Variants in PAPOLG observed in about 807,000 individuals in gnomAD.
PAPOLG encodes poly(A) polymerase gamma, also known as PAP-gamma.
A neutral mutation model predicts 99.0 loss-of-function variants in PAPOLG; 40 were observed. That is an observed-to-expected ratio of 0.40 (90% CI 0.31 to 0.53). The LOEUF (loss-of-function observed/expected upper bound fraction) is 0.53. PAPOLG is among the 20% of genes least tolerant of loss of function. PAPOLG has a pLI of 0.41. For missense variants in PAPOLG, 675 were observed against 884.1 expected, an observed-to-expected ratio of 0.76 and a Z score of 3.00; for synonymous variants, 310 against 299.3, an observed-to-expected ratio of 1.04 and a Z score of -0.37.
intron 11 of PAPOLG, 109 bp from the exon 12 acceptor site, chr2:60,782,577 T>G: frequency 1.7e-5 from 23 of 1,348,160 alleles, no homozygotes; most frequent in Non-Finnish European, 2.1e-5. Context: ...AAAAAAAAAT[T>G]TCGTCTGGTG....
chr2:60,796,874 AAGT>A (rs1671722953), intron 21 of PAPOLG, among the ~76,000 whole-genome samples, 185 bp from the exon 22 acceptor site: 1 of 152,146 alleles, frequency 6.6e-6, no homozygotes, highest in East Asian at 1.9e-4. Context: ...CTGTAAAAAG[AAGT>A]AGCAGTTCCG....
chr2:60,795,242 T>A, intron 21 of PAPOLG: 2 of 647,902 alleles, frequency 3.1e-6, no homozygotes, highest in Non-Finnish European at 5.6e-6. Context: ...TAAGACAACT[T>A]TATTATCTAT....
In PAPOLG at chr2:60,761,743, T is replaced by C; in HGVS notation, c.182T>C (p.Leu61Pro). The C allele has an allele frequency of 6.2e-7, 1 of 1,602,180 alleles. No homozygotes were observed. Among genetic ancestry groups the C allele is most frequent in the Non-Finnish European group, 8.5e-7 (1 of 1,170,420 alleles). The part of the protein sequence containing the change: ...FEDEEELNHR[L>P]VVLGKLNNLV... ...ATCTGAAGCATTTTTTTTTATAGGC[T>C]GGTGGTTCTTGGTAAATTGAACAAT... The change falls in exon 3 of 22, where the codon CTG becomes CCG. Residue 61 changes from leucine to proline, a missense_variant and splice_region_variant. Physicochemically the swap from Leu to Pro is moderately conservative, Grantham distance 98 (BLOSUM62 -3). This residue lies in a region of PAPOLG where 149 missense variants were observed against 192.1 expected (regional missense o/e 0.78). Transcript: ENST00000238714.
At chr2:60,765,611 C>G (rs886156098) in intron 3 of PAPOLG, among the ~76,000 whole-genome samples, 3 of 152,090 alleles carry the variant, frequency 2.0e-5, no homozygotes, top group Non-Finnish European at 4.4e-5. Context: ...TGATTTGAAT[C>G]TGTACACAAT....
rs766458681 is a variant in PAPOLG at position 60,797,526 on chromosome 2, G to GTT, written c.*370_*371dup. The stretch of plus-strand genomic sequence containing the variant: ...ACTCCTTTTTTGTTTTGTTTTTTGT[G>GTT]TTTTTCTTTTTTTGTCTTATGTTGT... On this transcript the variant is annotated 3_prime_UTR_variant, in exon 22 of 22. Coordinates refer to ENST00000238714, the MANE Select transcript of PAPOLG (RefSeq NM_022894.4). 0.17 allele frequency: 29,356 copies of GTT among 169,334 alleles called. 3,285 individuals carry two copies. The highest frequency in any genetic ancestry group is 0.31 in the African/African-American group (12,473 of 40,772). The allele number at this position is 169,334 out of a possible 1,614,324, so 10.5% of individuals were successfully genotyped here.
At chr2:60,782,980 C>G in intron 12 of PAPOLG, 176 bp from the exon 13 acceptor site, 1 of 487,418 alleles carries the variant, frequency 2.1e-6, no homozygotes. Context: ...TTGTTTTTTA[C>G]TTGTAGGACC....
chr2:60,789,962 C>G (rs1178670705), intron 15 of PAPOLG, among the ~76,000 whole-genome samples: 1 of 152,082 alleles, frequency 6.6e-6, no homozygotes. Context: ...GGTGTGGTGG[C>G]GGGTGCCTGT....
chr2:60,778,309 G>C (rs1040396509), intron 8 of PAPOLG, among the ~76,000 whole-genome samples: 1 of 133,466 alleles, frequency 7.5e-6, no homozygotes, highest in Non-Finnish European at 1.7e-5. Flanking sequence ...ACTACACCCG[G>C]CTAATTTTAT....
At position 60,797,737 on chromosome 2, in the gene PAPOLG, T is replaced by C. The variant is rs142230573; in HGVS notation, c.*577T>C. The C allele has an allele frequency of 7.7e-3, 1,181 of 152,930 alleles. 8 individuals carry two copies. The highest frequency in any genetic ancestry group is 0.028 in the South Asian group (137 of 4,828). The allele number at this position is 152,930 out of a possible 1,614,324, so 9.5% of individuals were successfully genotyped here. A position where few individuals can be genotyped will look rare whatever the true frequency, so the allele number is the denominator to read the frequency against. ...TCTGTTCTGTTGATTTAAATTATTTTTTTCCAGATTGGCACATGAAATATT... is the reference window on the plus strand; with the variant it reads ...TCTGTTCTGTTGATTTAAATTATTTCTTTCCAGATTGGCACATGAAATATT... On this transcript the variant is annotated 3_prime_UTR_variant, in exon 22 of 22. Coordinates refer to ENST00000238714, the MANE Select transcript of PAPOLG (RefSeq NM_022894.4).
chr2:60,776,739 A>G (rs988766831), intron 8 of PAPOLG, among the ~76,000 whole-genome samples: 7 of 152,114 alleles, frequency 4.6e-5, no homozygotes, highest in African/African-American at 1.7e-4. Flanking sequence ...GCTTCAATTT[A>G]AAGTCACCAG....
At chr2:60,779,524 A>G in intron 8 of PAPOLG, 113 bp from the exon 9 acceptor site, 1 of 1,219,600 alleles carries the variant, frequency 8.2e-7, no homozygotes, top group Non-Finnish European at 1.1e-6. Flanking sequence ...TTATGAATAA[A>G]GTTACCTTGT....
At chr2:60,779,088 T>TA (rs914674954) in intron 8 of PAPOLG, among the ~76,000 whole-genome samples, 2 of 150,844 alleles carry the variant, frequency 1.3e-5, no homozygotes, top group Non-Finnish European at 2.9e-5. Flanking sequence ...GCCCATCTCT[T>TA]AAAAAAAGAA....
Position 60,792,294 on chromosome 2 carries a change from GTCTT to G in PAPOLG, c.1679+7_1679+10del, listed in dbSNP as rs753493987. On this transcript the variant is annotated splice_donor_region_variant and intron_variant, in intron 17 of 21. Coordinates refer to ENST00000238714, the MANE Select transcript of PAPOLG (RefSeq NM_022894.4). ...TTCTGTAGGAGAAACAGAAAGGTCT[GTCTT>G]TATTTCAAATGTGTCCTTTTGGTTT... 12 of 1,589,880 alleles carry G rather than the reference GTCTT, an allele frequency of 7.5e-6. No homozygotes were observed. Among genetic ancestry groups the G allele is most frequent in the Non-Finnish European group, 1.0e-5 (12 of 1,170,888 alleles).
At chr2:60,762,308 T>G (rs1388078227) in intron 3 of PAPOLG, among the ~76,000 whole-genome samples, 1 of 152,106 alleles carries the variant, frequency 6.6e-6, no homozygotes, top group Non-Finnish European at 1.5e-5. Flanking sequence ...ATTTGCAAAC[T>G]AATTTATAAC....
intron 13 of PAPOLG, among the ~76,000 whole-genome samples, chr2:60,786,579 A>G (rs1031264830): frequency 5.9e-5 from 9 of 151,332 alleles, no homozygotes; most frequent in African/African-American, 2.2e-4. Flanking sequence ...CCCAGGCTGG[A>G]GTGCAGTGGC....
chr2:60,791,020 C>T (rs544507199), intron 15 of PAPOLG, among the ~76,000 whole-genome samples: 47 of 151,202 alleles, frequency 3.1e-4, no homozygotes, highest in African/African-American at 1.1e-3. Flanking sequence ...ACCCCGGAGG[C>T]AGAGGTTGCA....
intron 13 of PAPOLG, among the ~76,000 whole-genome samples, chr2:60,784,000 G>C (rs1573244828): frequency 6.6e-6 from 1 of 152,270 alleles, no homozygotes; most frequent in East Asian, 1.9e-4. Context: ...TTGAGACGGA[G>C]TCTCGCTGTG....
intron 8 of PAPOLG, 146 bp downstream of exon 8, chr2:60,775,269 A>C: frequency 1.0e-6 from 1 of 1,001,802 alleles, no homozygotes; most frequent in Non-Finnish European, 1.4e-6. Context: ...TTGCTTTTCA[A>C]GTACAGTGGT....
chr2:60,792,181 T>G lies in PAPOLG; in HGVS notation c.1571T>G (p.Leu524Trp). ...RSSGGLQSKR[L>W]SLDSSCLDSS... ...TCGGGCGGACTTCAATCCAAAAGAT[T>G]GTCTCTGGATAGCAGTTGTCTGGAT... Residue 524 changes from leucine (L) to tryptophan (W), a missense_variant, in exon 17 of 22, where the codon TTG (leucine) becomes TGG (tryptophan). By Grantham distance (61) the Leu-to-Trp change is moderately conservative (BLOSUM62 -2). This residue lies in a region of PAPOLG where 413 missense variants were observed against 460.5 expected (regional missense o/e 0.90). Transcript: ENST00000238714. 6.2e-7 allele frequency: 1 copy of G among 1,600,150 alleles called. No homozygotes were observed.
Sources: gnomAD v4.1 joint callset for allele counts (sites outside exome capture counted in the v4.1 genomes callset) on GRCh38, gnomAD v4.1.1 for gene constraint, gnomAD v4.1.1 regional missense constraint, MANE v1.5 for transcripts, NCBI Gene and HGNC (gene_info 2026-07-23, HGNC 2026-07-21) for gene names.